TK2: variants seen among roughly 807,000 people sequenced by gnomAD.
TK2 encodes thymidine kinase 2.
Under a neutral mutation model 41.9 loss-of-function variants are expected in TK2, and 35 were observed. That is an observed-to-expected ratio of 0.84 (90% CI 0.64 to 1.11). The LOEUF (loss-of-function observed/expected upper bound fraction) is 1.11, where lower values mean the gene tolerates loss of function less well. TK2 is among the 50% of genes least tolerant of loss of function. The probability of loss-of-function intolerance (pLI) is 0.00; values close to 1 mark genes in which losing one functional copy is unlikely to be tolerated. For synonymous variants in TK2, 128 were observed against 129.1 expected, an observed-to-expected ratio of 0.99 and a Z score of 0.06; for missense variants, 320 against 351.1, an observed-to-expected ratio of 0.91 and a Z score of 0.71.
At chr16:66,542,240 C>A (rs1965479899) in intron 2 of TK2, among the ~76,000 whole-genome samples, 1 of 152,170 alleles carries the variant, frequency 6.6e-6, no homozygotes, top group African/African-American at 2.4e-5. Flanking sequence ...CCCAGCTCTG[C>A]CCTTCCTTAG....
At position 66,517,935 on chromosome 16, in the gene TK2, T is replaced by C; in HGVS notation, c.450-58A>G. ...AAGAGAAAACTTCTGGGCTATGCAATTCCCCCAAAAGGATCTTGAGACGGC... is the reference window on the plus strand; with the variant it reads ...AAGAGAAAACTTCTGGGCTATGCAACTCCCCCAAAAGGATCTTGAGACGGC... On this transcript the variant is annotated intron_variant, in intron 6 of 9. Coordinates refer to ENST00000544898, the MANE Select transcript of TK2 (RefSeq NM_004614.5). This position sits in a 1 kb window ranked among gnomAD's most constrained non-coding sequence, Gnocchi z 4.3. The C allele has an allele frequency of 7.0e-7, 1 of 1,422,926 alleles. No individual in the cohort carries two copies. The allele number at this position is 1,422,926 out of a possible 1,614,324, so 88.1% of individuals were successfully genotyped here. A position where few individuals can be genotyped will look rare whatever the true frequency, so the allele number is the denominator to read the frequency against.
rs369607613 is a variant in TK2 at position 66,510,967 on chromosome 16, G to C, written c.*1001C>G. On this transcript the variant is annotated 3_prime_UTR_variant, in exon 10 of 10. Coordinates refer to ENST00000544898, the MANE Select transcript of TK2 (RefSeq NM_004614.5). ...AAATAACACTTCAAAAAGACTTAAG[G>C]CCACTTGTGTCTCTCTCTTGGGCCA... The C allele has an allele frequency of 3.9e-5, 6 of 152,142 alleles. No homozygotes were observed. The highest frequency in any genetic ancestry group is 7.3e-5 in the Non-Finnish European group (5 of 68,046). 9.4% of individuals were successfully genotyped at this position (152,142 alleles called of 1,614,324 possible).
At chr16:66,515,167 A>G (rs1446346771) in intron 8 of TK2, among the ~76,000 whole-genome samples, 1 of 148,660 alleles carries the variant, frequency 6.7e-6, no homozygotes. Context: ...ATCAATAAAT[A>G]CTAAAAAAAA....
intron 5 of TK2, among the ~76,000 whole-genome samples, chr16:66,530,497 G>T (rs1490972461): frequency 1.3e-5 from 2 of 152,238 alleles, no homozygotes; most frequent in Non-Finnish European, 2.9e-5. Flanking sequence ...AACCAGGGCT[G>T]GACACCTGAC....
intron 6 of TK2, among the ~76,000 whole-genome samples, chr16:66,528,118 G>A (rs1039387435): frequency 1.3e-5 from 2 of 152,170 alleles, no homozygotes; most frequent in African/African-American, 2.4e-5. Context: ...AGGGCTGGGA[G>A]ACAGGGTGGC....
chr16:66,530,362 G>A (rs1196438843), intron 5 of TK2, among the ~76,000 whole-genome samples: 1 of 152,184 alleles, frequency 6.6e-6, no homozygotes, highest in Non-Finnish European at 1.5e-5. Flanking sequence ...AAACATAGGT[G>A]CTGATCAGGA....
intron 8 of TK2, among the ~76,000 whole-genome samples, chr16:66,515,521 C>G (rs1226315388): frequency 6.6e-6 from 1 of 152,240 alleles, no homozygotes; most frequent in Non-Finnish European, 1.5e-5. Context: ...GCTCCTCACA[C>G]AGATTCCACT....
At chr16:66,531,505 TG>T (rs771122597) in intron 4 of TK2, 36 bp from the exon 5 acceptor site, 9 of 1,604,836 alleles carry the variant, frequency 5.6e-6, no homozygotes, top group Non-Finnish European at 7.7e-6. Flanking sequence ...TCCATCAAAG[TG>T]GCATCTGCAG....
chr16:66,510,281 G>GAA lies in TK2; in HGVS notation c.*1685_*1686dup, dbSNP rs1373691454. The stretch of plus-strand genomic sequence containing the variant: ...ATGGATGTGCAAAATGAGCCGAGAG[G>GAA]AAATATTGGACTGTTCATTTACAAA... On this transcript the variant is annotated 3_prime_UTR_variant, in exon 10 of 10. Transcript: ENST00000544898. 3 of 151,984 alleles carry GAA rather than the reference G, an allele frequency of 2.0e-5. No homozygotes were observed. The highest frequency in any genetic ancestry group is 2.0e-4 in the Admixed American group (3 of 15,276). The allele number at this position is 151,984 out of a possible 1,614,324, so 9.4% of individuals were successfully genotyped here. A position where few individuals can be genotyped will look rare whatever the true frequency, so the allele number is the denominator to read the frequency against.
intron 2 of TK2, 77 bp downstream of exon 2, chr16:66,548,901 T>C (rs1216533553): frequency 6.9e-7 from 1 of 1,445,638 alleles, no homozygotes; most frequent in African/African-American, 1.4e-5. Context: ...GTATTTTTGC[T>C]TTTTACTCTG....
intron 6 of TK2, among the ~76,000 whole-genome samples, chr16:66,520,593 C>G (rs1964751635): frequency 6.6e-6 from 1 of 152,218 alleles, no homozygotes; most frequent in Non-Finnish European, 1.5e-5. Flanking sequence ...AGCAAGACAC[C>G]TGCCCTTACT....
At chr16:66,548,656 A>G (rs1597113972) in intron 2 of TK2, 7 of 335,876 alleles carry the variant, frequency 2.1e-5, no homozygotes, top group South Asian at 1.6e-4. Flanking sequence ...GCCCAACCCA[A>G]GATGAAACTG....
In TK2 at chr16:66,517,842, G is replaced by T; in HGVS notation, c.485C>A (p.Ser162Ter). The T allele has an allele frequency of 6.2e-7, 1 of 1,614,086 alleles. No homozygotes were observed. Among genetic ancestry groups the T allele is most frequent in the Admixed American group, 1.7e-5 (1 of 60,018 alleles). The change falls in exon 7 of 10, where the codon TCG (serine) becomes TAG (stop). Residue 162 changes from serine (S) to a stop codon, truncating the protein, a stop_gained. Coordinates refer to ENST00000544898, the MANE Select transcript of TK2 (RefSeq NM_004614.5). LOFTEE classifies it high-confidence loss of function. The surrounding 1 kb of genome is among the most constrained non-coding windows in gnomAD (Gnocchi z 4.3). ...CCTCAAGATCCAGTCAAACCATTCCGACAGAACTACATAGTCCACTTCTGG... is the reference window on the plus strand; with the variant it reads ...CCTCAAGATCCAGTCAAACCATTCCTACAGAACTACATAGTCCACTTCTGG... ...KMPEVDYVVLSEWFDWILRNM... is the reference protein window; with the variant it reads ...KMPEVDYVVL
chr16:66,511,704 G>A lies in TK2; in HGVS notation c.*264C>T, dbSNP rs1964454499. ...AGGGCTTCATGAGAGCGACTCAGCA[G>A]CACAAAGCCATGGGAGAGGCACCGG... On this transcript the variant is annotated 3_prime_UTR_variant, in exon 10 of 10. Coordinates refer to ENST00000544898, the MANE Select transcript of TK2 (RefSeq NM_004614.5). 1 of 547,286 alleles carries A rather than the reference G, an allele frequency of 1.8e-6. No homozygotes were observed. Among genetic ancestry groups the A allele is most frequent in the African/African-American group, 1.9e-5 (1 of 52,880 alleles). The allele number at this position is 547,286 out of a possible 1,614,324, so 33.9% of individuals were successfully genotyped here.
chr16:66,527,760 T>C (rs529389647), intron 6 of TK2, among the ~76,000 whole-genome samples: 93 of 152,278 alleles, frequency 6.1e-4, no homozygotes, highest in African/African-American at 2.2e-3. Context: ...CCAGGCACAG[T>C]GGCTCACACC....
At chr16:66,518,392 TG>T (rs1964679401) in intron 6 of TK2, among the ~76,000 whole-genome samples, 1 of 151,922 alleles carries the variant, frequency 6.6e-6, no homozygotes, top group Non-Finnish European at 1.5e-5. Flanking sequence ...TAACTAGGGG[TG>T]GTGGCGCATG....
chr16:66,513,686 C>A, intron 9 of TK2, 45 bp downstream of exon 9: 4 of 1,582,528 alleles, frequency 2.5e-6, no homozygotes, highest in Non-Finnish European at 3.5e-6. Flanking sequence ...CGGGTCACTC[C>A]TCTTTCTAGA....
intron 6 of TK2, among the ~76,000 whole-genome samples, chr16:66,527,050 G>A (rs1316657682): frequency 1.3e-5 from 2 of 152,182 alleles, no homozygotes; most frequent in Non-Finnish European, 2.9e-5. Flanking sequence ...CCTCTGTCCT[G>A]CCTGTCCTCC....
chr16:66,535,804 G>A (rs980869877), intron 4 of TK2, among the ~76,000 whole-genome samples: 5 of 152,332 alleles, frequency 3.3e-5, no homozygotes, highest in African/African-American at 1.2e-4. Flanking sequence ...TAGGCAGTGT[G>A]CCTTGGTTTT....
Sources: gnomAD v4.1 joint callset for allele counts (sites outside exome capture counted in the v4.1 genomes callset) on GRCh38, gnomAD v4.1.1 for gene constraint, Gnocchi (gnomAD v3.1) non-coding constraint, MANE v1.5 for transcripts, NCBI Gene and HGNC (gene_info 2026-07-23, HGNC 2026-07-21) for gene names.